The following SMG1 variants were observed in gnomAD, a reference collection of about 807,000 sequenced individuals.
SMG1 encodes serine/threonine-protein kinase SMG1.
A neutral mutation model predicts 419.9 loss-of-function variants in SMG1; 22 were observed. The ratio of observed to expected loss-of-function variants is 0.05; its 90% CI spans 0.04 to 0.07. The LOEUF (loss-of-function observed/expected upper bound fraction) is 0.07. SMG1 is among the 10% of genes least tolerant of loss of function. The pLI is 1.00. For missense variants in SMG1, 3,185 were observed against 4,342.0 expected (o/e 0.73, Z 7.49); for synonymous variants, 1,538 against 1,553.5 (o/e 0.99, Z 0.23).
chr16:18,833,274 T>A (rs1228507090), intron 50 of SMG1, 108 bp from the exon 51 acceptor site: 1 of 667,752 alleles, frequency 1.5e-6, no homozygotes, highest in Non-Finnish European at 2.5e-6. Flanking sequence ...AACTATGCCA[T>A]CAACTCATTC....
Position 18,914,086 on chromosome 16 carries a change from G to A in SMG1, c.92+11864C>T, listed in dbSNP as rs1340262280. ...GGAGGCCGAGGCAGGAGAATCACTT[G>A]AACCCAGGAGGTAGAGGTTGCGTGA... is the stretch of plus-strand genomic sequence containing the variant. On this transcript the variant is annotated intron_variant, in intron 1 of 62. Coordinates refer to ENST00000446231, the MANE Select transcript of SMG1 (RefSeq NM_015092.5). Among the ~76,000 whole-genome samples the A allele has an allele frequency of 1.5e-3, 230 of 151,372 alleles. 2 individuals are homozygous for A. Among genetic ancestry groups the A allele is most frequent in the Non-Finnish European group, 1.4e-3 (92 of 67,924 alleles).
chr16:18,864,288 T>C, intron 23 of SMG1, 144 bp from the exon 24 acceptor site: 1 of 684,982 alleles, frequency 1.5e-6, no homozygotes, highest in Non-Finnish European at 2.3e-6. Flanking sequence ...CTCTGCCTCC[T>C]GGGTACAAGC....
rs2033418214 is a variant in SMG1, at chr16:18,834,434, T to C, written c.8335A>G (p.Asn2779Asp). The C allele has an allele frequency of 6.2e-7, 1 of 1,613,022 alleles. No individual in the cohort carries two copies. The highest frequency in any genetic ancestry group is 8.5e-7 in the Non-Finnish European group (1 of 1,179,448). ...ISALCTLTRR[N>D]LMMEGAASSA... Reference sequence around the variant, plus strand: ...GACGCTGCACCTTCCATCATCAGGTTACGCCTACAAGAGATAAATATCTGT... The same window carrying C: ...GACGCTGCACCTTCCATCATCAGGTCACGCCTACAAGAGATAAATATCTGT... Residue 2779 changes from asparagine to aspartate, a missense_variant, in exon 50 of 63, where the codon AAC becomes GAC. Coordinates refer to ENST00000446231, the MANE Select transcript of SMG1 (RefSeq NM_015092.5).
At position 18,903,967 on chromosome 16, in the gene SMG1, TC is replaced by T. The variant is rs536220666; in HGVS notation, c.93-7012del. On this transcript the variant is annotated intron_variant, in intron 1 of 62. Transcript: ENST00000446231. The stretch of plus-strand genomic sequence containing the variant: ...TTTTTTTTTTTTTTGAGATGTAGTC[TC>T]GCTCTGTCGCGCAGGCTGAAGTGCG... 1.2e-4 allele frequency among the ~76,000 whole-genome samples: 17 copies of T among 142,872 alleles called. No homozygotes were observed. In the East Asian group the frequency reaches 3.5e-3, roughly 30 times the overall value. 93.7% of individuals were successfully genotyped at this position (142,872 alleles called of 152,430 possible).
At chr16:18,841,536 T>C in intron 41 of SMG1, 29 bp downstream of exon 41, 2 of 1,578,916 alleles carry the variant, frequency 1.3e-6, no homozygotes, top group Non-Finnish European at 1.7e-6. Flanking sequence ...GAGAATAGAC[T>C]AATACACTGT....
intron 51 of SMG1, 147 bp from the exon 52 acceptor site, chr16:18,830,516 C>T (rs2033098601): frequency 5.8e-6 from 5 of 863,056 alleles, no homozygotes; most frequent in East Asian, 2.7e-5. Flanking sequence ...AGGCCGGGCG[C>T]GGTGGCTCAC....
At chr16:18,891,676 C>T (rs1296227154) in intron 4 of SMG1, among the ~76,000 whole-genome samples, 7 of 152,278 alleles carry the variant, frequency 4.6e-5, no homozygotes, top group East Asian at 1.9e-4. Flanking sequence ...TCAGGTGATC[C>T]GCCTGCCTTG....
At position 18,837,402 on chromosome 16, in the gene SMG1, A is replaced by G. The variant is rs1166608454; in HGVS notation, c.7455T>C (p.Leu2485=). ...CATCTAAGCTACCGTCCAACTTGGG[A>G]AGCACAACCAGCATCTCATCTCTAT... ...FKNRDEMLVV[L]PKLDGSLDEY... is the part of the protein sequence containing the mutation. Residue 2485 remains leucine, a synonymous_variant, in exon 46 of 63, where the codon CTT becomes CTC. Transcript: ENST00000446231. 1.2e-6 allele frequency: 2 copies of G among 1,613,822 alleles called. No homozygotes were observed. The highest frequency in any genetic ancestry group is 2.7e-5 in the African/African-American group (2 of 74,912).
At chr16:18,874,169 G>C (rs2035977943) in intron 13 of SMG1, among the ~76,000 whole-genome samples, 1 of 151,890 alleles carries the variant, frequency 6.6e-6, no homozygotes, top group African/African-American at 2.4e-5. Flanking sequence ...GACAGAGTCT[G>C]GTTCTGTCGC....
At chr16:18,910,817 C>A (rs1008533731) in intron 1 of SMG1, among the ~76,000 whole-genome samples, 1 of 152,120 alleles carries the variant, frequency 6.6e-6, no homozygotes, top group Non-Finnish European at 1.5e-5. Context: ...ATCCTCCCTC[C>A]TCCCATTAAA....
chr16:18,854,456 T>C (rs2034785326), intron 30 of SMG1, among the ~76,000 whole-genome samples, 200 bp downstream of exon 30: 1 of 152,270 alleles, frequency 6.6e-6, no homozygotes, highest in African/African-American at 2.4e-5. Flanking sequence ...CTGTAATACA[T>C]TGCAACAAAA....
Position 18,863,807 on chromosome 16 carries a change from G to T in SMG1, c.3538C>A (p.Pro1180Thr), listed in dbSNP as rs2035338038. The T allele has an allele frequency of 6.3e-7, 1 of 1,589,376 alleles. No individual in the cohort carries two copies. The highest frequency in any genetic ancestry group is 8.6e-7 in the Non-Finnish European group (1 of 1,163,034). The change falls in exon 25 of 63, where the codon CCT becomes ACT. Residue 1180 changes from proline (P) to threonine (T), a missense_variant. Around this residue, in one of 27 missense-constraint regions of SMG1, gnomAD observed 121 missense variants for 125.4 expected, o/e 0.96. Transcript: ENST00000446231. ...TTTCCTAAATAATTTATAACCTCAG[G>T]GGAAGAGTCAGTCGGTTTGGACAGC... ...TVLSKPTDSS[P>T]EVINYLGNKA... is the part of the protein sequence containing the mutation.
rs2033552624 is a variant in SMG1 at position 18,836,109 on chromosome 16, C to G, written c.7881G>C (p.Leu2627=). The G allele has an allele frequency of 1.2e-6, 2 of 1,609,284 alleles. No individual in the cohort carries two copies. Among genetic ancestry groups the G allele is most frequent in the African/African-American group, 1.3e-5 (1 of 74,826 alleles). ...CACGGAGCACGGAGCGCCTCTGCTG[C>G]AGGAGAGCACCAACCTCCCCCTCCA... ...EQLEGEVGAL[L]QQRRSVLRGC... The change falls in exon 48 of 63, where the codon CTG becomes CTC. Residue 2627 remains leucine, a synonymous_variant. Coordinates refer to ENST00000446231, the MANE Select transcript of SMG1 (RefSeq NM_015092.5).
Position 18,815,295 on chromosome 16 carries a change from T to A in SMG1, c.10515-14A>T. On this transcript the variant is annotated splice_polypyrimidine_tract_variant and intron_variant, in intron 59 of 62. Coordinates refer to ENST00000446231, the MANE Select transcript of SMG1 (RefSeq NM_015092.5). The stretch of plus-strand genomic sequence containing the variant: ...TTATTATAGATACTGAAATACAAAA[T>A]AAAATGGCTTATTTACGAAATGTTT... The A allele has an allele frequency of 6.4e-7, 1 of 1,552,296 alleles. No individual in the cohort carries two copies. Among genetic ancestry groups the A allele is most frequent in the Non-Finnish European group, 8.8e-7 (1 of 1,141,586 alleles).
chr16:18,913,387 T>C (rs960966080), intron 1 of SMG1, among the ~76,000 whole-genome samples: 14 of 152,074 alleles, frequency 9.2e-5, no homozygotes, highest in East Asian at 1.9e-4. Flanking sequence ...ATCACACATA[T>C]ACATCTTTTA....
At chr16:18,885,219 C>G in intron 7 of SMG1, 57 bp from the exon 8 acceptor site, 1 of 675,432 alleles carries the variant, frequency 1.5e-6, no homozygotes, top group Non-Finnish European at 2.5e-6. Flanking sequence ...CTGCCATTCA[C>G]CTGTGGACCA....
intron 39 of SMG1, among the ~76,000 whole-genome samples, chr16:18,843,057 G>T (rs1176730478): frequency 8.5e-5 from 13 of 152,052 alleles, no homozygotes; most frequent in Admixed American, 8.5e-4. Flanking sequence ...CCCAATTAGG[G>T]GCTTTTAGCA....
rs2141234853 is a variant in SMG1, at chr16:18,833,017, T to C, written c.8715A>G (p.Glu2905=). ...TDGVPLQTLV[E]SLQAYLRNAA... ...CGTTTCTTAAGTAGGCCTGAAGAGATTCCACTAGAGTCTGCAGGGGAACGC... is the reference window on the plus strand; with the variant it reads ...CGTTTCTTAAGTAGGCCTGAAGAGACTCCACTAGAGTCTGCAGGGGAACGC... The change falls in exon 51 of 63, where the codon GAA becomes GAG. Residue 2905 remains glutamate, a synonymous_variant. Transcript: ENST00000446231. The C allele has an allele frequency of 6.2e-7, 1 of 1,613,992 alleles. No individual in the cohort carries two copies. Among genetic ancestry groups the C allele is most frequent in the Non-Finnish European group, 8.5e-7 (1 of 1,179,888 alleles).
intron 55 of SMG1, among the ~76,000 whole-genome samples, chr16:18,820,646 T>C (rs577400871): frequency 6.6e-5 from 10 of 152,344 alleles, no homozygotes; most frequent in African/African-American, 2.4e-4. Context: ...CTTTCCTGCA[T>C]GTCCATGTCT....
Sources: gnomAD v4.1 joint callset for allele counts (sites outside exome capture counted in the v4.1 genomes callset) on GRCh38, gnomAD v4.1.1 for gene constraint, gnomAD v4.1.1 regional missense constraint, MANE v1.5 for transcripts, NCBI Gene and HGNC (gene_info 2026-07-23, HGNC 2026-07-21) for gene names.